The following KCNMB3 variants were observed in gnomAD, a reference collection of about 807,000 sequenced individuals.
KCNMB3 encodes the protein potassium calcium-activated channel subfamily M regulatory beta subunit 3.
KCNMB3 carries 18 observed loss-of-function variants against 11.9 expected under a neutral mutation model. The observed-to-expected ratio is 1.51, with a 90% CI of 1.04 to 2.23. The LOEUF (loss-of-function observed/expected upper bound fraction) is 2.23, where lower values mean the gene tolerates loss of function less well. Ranked by LOEUF, KCNMB3 falls within the 30% of genes most tolerant of loss-of-function variation. The pLI is 0.00. For missense variants in KCNMB3, 247 were observed against 329.4 expected (o/e 0.75, Z 1.94); for synonymous variants, 78 against 119.2 (o/e 0.65, Z 2.25).
At chr3:179,262,201 C>T (rs1254836988) in intron 1 of KCNMB3, among the ~76,000 whole-genome samples, 1 of 152,188 alleles carries the variant, frequency 6.6e-6, no homozygotes, top group Non-Finnish European at 1.5e-5. Context: ...AAGCAATTAA[C>T]AAGTTTTATC....
chr3:179,265,476 GAC>G (rs1242004981), intron 1 of KCNMB3, among the ~76,000 whole-genome samples: 5 of 152,198 alleles, frequency 3.3e-5, no homozygotes, highest in Non-Finnish European at 7.3e-5. Context: ...CTTTGTTTGA[GAC>G]AGAGTTTGGC....
chr3:179,258,147 A>G (rs1726083199), intron 1 of KCNMB3, among the ~76,000 whole-genome samples: 1 of 152,158 alleles, frequency 6.6e-6, no homozygotes, highest in African/African-American at 2.4e-5. Flanking sequence ...TGGCCTCCCA[A>G]CGTGCTGAGA....
At chr3:179,248,174 G>T (rs1056957135) in intron 1 of KCNMB3, among the ~76,000 whole-genome samples, 1 of 152,048 alleles carries the variant, frequency 6.6e-6, no homozygotes, top group South Asian at 2.1e-4. Context: ...ATTATTTACC[G>T]GCTATGTGAA....
In KCNMB3 at chr3:179,242,933, T is replaced by C; in HGVS notation, c.799A>G (p.Arg267Gly). The change falls in exon 3 of 3, where the codon AGG (arginine) becomes GGG (glycine). Residue 267 changes from arginine (R) to glycine (G), a missense_variant. Transcript: ENST00000392685. ...QHQFKLCIMR[R>G]SKGRAEKS ...GATTTCTCTGCTCTTCCTTTGCTCC[T>C]CCTCATAATGCACAGTTTGAACTGA... The C allele has an allele frequency of 6.2e-7, 1 of 1,608,810 alleles. No homozygotes were observed. The highest frequency in any genetic ancestry group is 8.5e-7 in the Non-Finnish European group (1 of 1,177,730).
chr3:179,248,394 C>T (rs1021738857), intron 1 of KCNMB3, among the ~76,000 whole-genome samples: 5 of 152,162 alleles, frequency 3.3e-5, no homozygotes, highest in African/African-American at 1.2e-4. Context: ...ACCCCCAAAC[C>T]TGCAGTCGAA....
At position 179,250,940 on chromosome 3, in the gene KCNMB3, G is replaced by A. The variant is rs914372917; in HGVS notation, c.51C>T (p.Pro17=). The A allele has an allele frequency of 3.7e-6, 6 of 1,613,986 alleles. No homozygotes were observed. Among genetic ancestry groups the A allele is most frequent in the Non-Finnish European group, 5.1e-6 (6 of 1,180,020 alleles). ...CTGAGGCAGGAAAGGCTGTCCTTTG[G>A]GGAAAGGGAGAAGGAGATACTGCAG... is the stretch of plus-strand genomic sequence containing the variant. ...ELTAVSPSPF[P]QRTAFPASGK... The change falls in exon 1 of 3, where the codon CCC becomes CCT. Residue 17 remains proline (P), a synonymous_variant. Coordinates refer to ENST00000392685, the MANE Select transcript of KCNMB3 (RefSeq NM_171830.2).
intron 1 of KCNMB3, chr3:179,260,089 G>C (rs1193132012): frequency 2.5e-6 from 4 of 1,608,084 alleles, no homozygotes; most frequent in Non-Finnish European, 3.4e-6. Context: ...CTGTCATCAT[G>C]ATAAACTGTG....
intron 1 of KCNMB3, chr3:179,260,473 C>T: frequency 6.2e-7 from 1 of 1,612,816 alleles, no homozygotes; most frequent in Non-Finnish European, 8.5e-7. Flanking sequence ...GTGTGTTGTT[C>T]TTTCTCAGTA....
At chr3:179,261,048 G>C (rs961916596) in intron 1 of KCNMB3, 8 of 1,028,984 alleles carry the variant, frequency 7.8e-6, no homozygotes, top group Admixed American at 1.7e-5. Context: ...AGAAAGGCCA[G>C]CGTGGCTGCA....
At chr3:179,241,136 C>G (rs780987694), downstream of KCNMB3, 1 of 151,996 alleles carries the variant, frequency 6.6e-6, no homozygotes, top group Non-Finnish European at 1.5e-5. Context: ...ATGTTATAAC[C>G]TAGCAGATTT....
At chr3:179,261,006 C>T (rs1383763854) in intron 1 of KCNMB3, 3 of 972,344 alleles carry the variant, frequency 3.1e-6, no homozygotes, top group African/African-American at 3.3e-5. Context: ...ATAGAGGTGT[C>T]TCCGCTGCCT....
upstream of KCNMB3, chr3:179,251,495 CCTT>C (rs1371089253): frequency 9.4e-6 from 13 of 1,389,980 alleles, no homozygotes; most frequent in African/African-American, 5.8e-5. Context: ...CTCTCACCCT[CCTT>C]CTCCTCCTCT....
upstream of KCNMB3, chr3:179,251,577 C>A: frequency 7.7e-7 from 1 of 1,292,412 alleles, no homozygotes; most frequent in Non-Finnish European, 9.8e-7. Context: ...TGCCTGCAAA[C>A]CTGCTCCAGC....
intron 1 of KCNMB3, chr3:179,260,673 A>T: frequency 7.4e-7 from 1 of 1,359,916 alleles, no homozygotes; most frequent in East Asian, 2.3e-5. Context: ...ACTATTTCTG[A>T]ATTTAGGATT....
chr3:179,247,755 T>C (rs1237962767), intron 1 of KCNMB3, among the ~76,000 whole-genome samples: 2 of 152,174 alleles, frequency 1.3e-5, no homozygotes, highest in African/African-American at 4.8e-5. Context: ...AGTGGCACTG[T>C]GTGCTATAGT....
At chr3:179,258,915 T>C in intron 1 of KCNMB3, 1 of 1,608,980 alleles carries the variant, frequency 6.2e-7, no homozygotes, top group Non-Finnish European at 8.5e-7. Flanking sequence ...TGGCATACAG[T>C]GCATCTCTAT....
Position 179,259,825 on chromosome 3 carries a change from T to C in KCNMB3, c.62+6824A>G, listed in dbSNP as rs543889065. On this transcript the variant is annotated intron_variant, in intron 1 of 3. Transcript: ENST00000349697. Reference sequence around the variant, plus strand: ...TTCATATCTGAGGGTTCACTTTGAGTGTCTACTGTACTTGGACCTGTCGCC... The same window carrying C: ...TTCATATCTGAGGGTTCACTTTGAGCGTCTACTGTACTTGGACCTGTCGCC... The C allele has an allele frequency of 2.0e-5, 32 of 1,605,154 alleles. No individual in the cohort carries two copies. The East Asian group carries it at 6.7e-4, about 34-fold the overall frequency.
intron 1 of KCNMB3, chr3:179,260,624 C>T: frequency 7.3e-7 from 1 of 1,375,176 alleles, no homozygotes; most frequent in Non-Finnish European, 1.0e-6. Context: ...ATCTTGGTAT[C>T]AAACATTACT....
chr3:179,259,954 C>T, intron 1 of KCNMB3: 1 of 1,613,056 alleles, frequency 6.2e-7, no homozygotes, highest in Non-Finnish European at 8.5e-7. Context: ...TCGTTGTGAT[C>T]CCTACCTGCT....
Sources: gnomAD v4.1 joint callset for allele counts (sites outside exome capture counted in the v4.1 genomes callset) on GRCh38, gnomAD v4.1.1 for gene constraint, MANE v1.5 for transcripts, NCBI Gene and HGNC (gene_info 2026-07-23, HGNC 2026-07-21) for gene names.